The following MAP4 variants were observed in gnomAD, a reference collection of about 807,000 sequenced individuals.
The protein encoded by MAP4 is microtubule-associated protein 4.
A neutral mutation model predicts 170.2 loss-of-function variants in MAP4; 76 were observed. The ratio of observed to expected loss-of-function variants is 0.45; its 90% confidence interval spans 0.37 to 0.54. The LOEUF is 0.54. MAP4 is among the 20% of genes least tolerant of loss of function. The probability of loss-of-function intolerance (pLI) is 0.00; values close to 1 mark genes in which losing one functional copy is unlikely to be tolerated. For synonymous variants in MAP4, 909 were observed against 994.5 expected, an observed-to-expected ratio of 0.91 and a Z score of 1.62; for missense variants, 2,506 against 2,748.0, an observed-to-expected ratio of 0.91 and a Z score of 1.97.
Position 48,033,635 on chromosome 3 carries a change from C to G in MAP4, c.-19-34756G>C, listed in dbSNP as rs989239180. 9.9e-5 allele frequency among the ~76,000 whole-genome samples: 15 copies of G among 152,076 alleles called. No individual in the cohort carries two copies. The East Asian group carries it at 2.9e-3, about 29-fold the overall frequency. The stretch of plus-strand genomic sequence containing the variant: ...ATTTTTTTGAAACGGGAGTCTCGCT[C>G]TGTCACCCAGGCTTGAGTGCAGTGG... On this transcript the variant is annotated intron_variant, in intron 1 of 18. Coordinates refer to the MAP4 transcript ENST00000360240.
intron 1 of MAP4, among the ~76,000 whole-genome samples, chr3:48,083,908 A>G (rs1190252590): frequency 6.7e-6 from 1 of 149,746 alleles, no homozygotes; most frequent in African/African-American, 2.5e-5. Context: ...GTATTTTAGT[A>G]GAGACAGGGT....
intron 10 of MAP4, 48 bp from the exon 11 acceptor site, chr3:47,877,571 T>C (rs752103463): frequency 1.6e-5 from 20 of 1,290,132 alleles, no homozygotes; most frequent in Non-Finnish European, 2.2e-5. Flanking sequence ...ACATTTTACA[T>C]GCCCATTTTG....
chr3:47,896,008 T>TG (rs1056309272), intron 10 of MAP4, among the ~76,000 whole-genome samples: 40 of 149,140 alleles, frequency 2.7e-4, no homozygotes, highest in African/African-American at 8.4e-4. Context: ...CAATCTGGGG[T>TG]GGGGGGGCGG....
intron 1 of MAP4, among the ~76,000 whole-genome samples, chr3:48,057,742 T>G (rs1487644715): frequency 6.6e-6 from 1 of 152,118 alleles, no homozygotes; most frequent in Non-Finnish European, 1.5e-5. Flanking sequence ...GCTGTACCAC[T>G]TTACTGTTAA....
rs114621145 is a variant in MAP4 at position 47,868,835 on chromosome 3, T to G, written c.6408+379A>C. On this transcript the variant is annotated intron_variant, in intron 16 of 20. Coordinates refer to ENST00000683076, the MANE Select transcript of MAP4 (RefSeq NM_001385682.1). ...AGCACAGGGGCTCCAGGGTTCCAGG[T>G]GGTGGAAATTACCCCTGCCATGTCT... Among the ~76,000 whole-genome samples the G allele has an allele frequency of 4.2e-3, 632 of 152,234 alleles. 7 individuals are homozygous for G. The highest frequency in any genetic ancestry group is 0.015 in the African/African-American group (609 of 41,518).
rs77820127 is a variant in MAP4 at position 47,904,235 on chromosome 3, A to G, written c.5384-1235T>C. Reference sequence around the variant, plus strand: ...AGATAATCTTTAATAGTGTTATTTTATGTGTGTGTGTATGATCTATTTACC... The same window carrying G: ...AGATAATCTTTAATAGTGTTATTTTGTGTGTGTGTGTATGATCTATTTACC... On this transcript the variant is annotated intron_variant, in intron 9 of 20. Transcript: ENST00000683076. Among the ~76,000 whole-genome samples the G allele has an allele frequency of 8.8e-3, 1,346 of 152,220 alleles. 20 individuals are homozygous for G. The highest frequency in any genetic ancestry group is 0.031 in the African/African-American group (1,273 of 41,524).
intron 1 of MAP4, among the ~76,000 whole-genome samples, chr3:48,037,734 C>A (rs1005104137): frequency 6.6e-6 from 1 of 152,092 alleles, no homozygotes; most frequent in Non-Finnish European, 1.5e-5. Flanking sequence ...TACCTCCATC[C>A]CTATGAAAGT....
chr3:48,015,967 G>C (rs918384253), intron 1 of MAP4, among the ~76,000 whole-genome samples: 2 of 151,988 alleles, frequency 1.3e-5, no homozygotes, highest in Admixed American at 6.6e-5. Context: ...CCACCCCTAG[G>C]TTCCTCCCTA....
intron 1 of MAP4, among the ~76,000 whole-genome samples, chr3:48,040,950 T>C (rs957420900): frequency 2.9e-4 from 44 of 152,152 alleles, no homozygotes; most frequent in African/African-American, 1.0e-3. Flanking sequence ...TCTGCAAGCC[T>C]TGGCCTCCCA....
intron 1 of MAP4, among the ~76,000 whole-genome samples, chr3:48,006,068 T>C (rs1428984427): frequency 6.6e-6 from 1 of 152,226 alleles, no homozygotes; most frequent in Non-Finnish European, 1.5e-5. Flanking sequence ...GGAAGCCTAC[T>C]GCATTCCCAC....
At chr3:47,929,647 A>T in intron 3 of MAP4, among the ~76,000 whole-genome samples, 1 of 148,826 alleles carries the variant, frequency 6.7e-6, no homozygotes, top group Non-Finnish European at 1.5e-5. Flanking sequence ...AAAAAAAAAA[A>T]AAAAAAAAAA....
At chr3:48,037,202 AC>A (rs2100119170) in intron 1 of MAP4, among the ~76,000 whole-genome samples, 1 of 152,114 alleles carries the variant, frequency 6.6e-6, no homozygotes, top group Non-Finnish European at 1.5e-5. Context: ...GAGGTACAGA[AC>A]CTCCCTTTAG....
chr3:47,880,544 C>T (rs1201375838), intron 10 of MAP4, among the ~76,000 whole-genome samples: 2 of 147,150 alleles, frequency 1.4e-5, no homozygotes, highest in Non-Finnish European at 3.0e-5. Flanking sequence ...CAGCTCACTG[C>T]CACCTGGAAC....
intron 3 of MAP4, among the ~76,000 whole-genome samples, chr3:47,957,995 A>G (rs992287736): frequency 3.3e-5 from 5 of 152,230 alleles, no homozygotes; most frequent in Non-Finnish European, 7.4e-5. Flanking sequence ...AGCAGGAAAT[A>G]TATCTACTAG....
chr3:47,959,742 G>C (rs2100070341), intron 3 of MAP4, among the ~76,000 whole-genome samples: 1 of 143,626 alleles, frequency 7.0e-6, no homozygotes, highest in African/African-American at 2.6e-5. Flanking sequence ...CTGGGCGACA[G>C]AGCGAGACTC....
At chr3:48,070,542 G>A (rs1213598713) in intron 1 of MAP4, among the ~76,000 whole-genome samples, 1 of 151,472 alleles carries the variant, frequency 6.6e-6, no homozygotes. Flanking sequence ...GGCTGGTCTT[G>A]AACTCCTGGC....
chr3:47,901,006 T>C (rs2100029685), intron 10 of MAP4, among the ~76,000 whole-genome samples: 1 of 152,194 alleles, frequency 6.6e-6, no homozygotes, highest in Admixed American at 6.5e-5. Context: ...ATGTCCCTGT[T>C]TCCCCAAACT....
At chr3:48,062,494 T>TTAAAA (rs1349336366) in intron 1 of MAP4, among the ~76,000 whole-genome samples, 1 of 81,556 alleles carries the variant, frequency 1.2e-5, no homozygotes, top group Non-Finnish European at 2.2e-5. Context: ...GAATGATCAA[T>TTAAAA]AAAAAAAAAA....
chr3:47,953,104 G>C (rs1484932579), intron 3 of MAP4, among the ~76,000 whole-genome samples: 3 of 152,122 alleles, frequency 2.0e-5, no homozygotes, highest in African/African-American at 7.2e-5. Flanking sequence ...GGAATTGATA[G>C]AGTGATTTTA....
Sources: allele counts gnomAD v4.1 joint callset (sites outside exome capture counted in the v4.1 genomes callset), GRCh38; gene constraint gnomAD v4.1.1; transcripts MANE v1.5; gene names NCBI Gene and HGNC (gene_info 2026-07-23, HGNC 2026-07-21).